The following CAMK1D variants were observed in gnomAD, a reference collection of about 807,000 sequenced individuals.
The protein encoded by CAMK1D is calcium/calmodulin-dependent protein kinase type 1D.
Under a neutral mutation model 47.7 loss-of-function variants are expected in CAMK1D, and 9 were observed. The ratio of observed to expected loss-of-function variants is 0.19; its 90% confidence interval spans 0.11 to 0.33. CAMK1D has a LOEUF of 0.33. CAMK1D is among the 10% of genes least tolerant of loss of function. The probability of loss-of-function intolerance (pLI) is 1.00; values close to 1 mark genes in which losing one functional copy is unlikely to be tolerated. For missense variants in CAMK1D, 291 were observed against 488.7 expected, an observed-to-expected ratio of 0.60 and a Z score of 3.81; for synonymous variants, 184 against 184.9, an observed-to-expected ratio of 0.99 and a Z score of 0.04.
chr10:12,709,574 T>C (rs1480883012), intron 3 of CAMK1D, among the ~76,000 whole-genome samples: 1 of 152,144 alleles, frequency 6.6e-6, no homozygotes, highest in East Asian at 1.9e-4. Context: ...AAGAAGCTTT[T>C]TCACAAGAAA....
chr10:12,772,315 T>C (rs1837078518), intron 5 of CAMK1D, among the ~76,000 whole-genome samples: 1 of 151,878 alleles, frequency 6.6e-6, no homozygotes. Context: ...CATTAGAAAA[T>C]GAAAAGGTCT....
chr10:12,765,905 G>A (rs530694008), intron 4 of CAMK1D, among the ~76,000 whole-genome samples: 1 of 151,748 alleles, frequency 6.6e-6, no homozygotes, highest in African/African-American at 2.4e-5. Context: ...ACTAGTTAGG[G>A]CTAGGTGTGC....
At chr10:12,477,151 C>T (rs1018491985) in intron 1 of CAMK1D, among the ~76,000 whole-genome samples, 10 of 152,112 alleles carry the variant, frequency 6.6e-5, no homozygotes, top group African/African-American at 2.2e-4. Flanking sequence ...TGCGGTGGCT[C>T]ACACCTGTAA....
intron 1 of CAMK1D, among the ~76,000 whole-genome samples, chr10:12,427,700 G>GTTTTTTTTTTTTTTTGT (rs1840286957): frequency 3.2e-5 from 1 of 31,030 alleles, no homozygotes; most frequent in Non-Finnish European, 6.2e-5. Context: ...TGAACTTACT[G>GTTTTTTTTTTTTTTTGT]TTTTTTTTTT....
chr10:12,504,239 C>CACACAG (rs1834800265), intron 1 of CAMK1D, among the ~76,000 whole-genome samples: 1 of 151,860 alleles, frequency 6.6e-6, no homozygotes, highest in Non-Finnish European at 1.5e-5. Context: ...CACACACACA[C>CACACAG]ACACACACAC....
chr10:12,568,849 G>A (rs1354387387), intron 2 of CAMK1D, among the ~76,000 whole-genome samples: 1 of 152,120 alleles, frequency 6.6e-6, no homozygotes, highest in Non-Finnish European at 1.5e-5. Flanking sequence ...TTTGCCTCCC[G>A]GAGGGAATTC....
chr10:12,565,686 A>G (rs1837101126), intron 2 of CAMK1D, among the ~76,000 whole-genome samples: 1 of 152,232 alleles, frequency 6.6e-6, no homozygotes, highest in Non-Finnish European at 1.5e-5. Context: ...AATCGTCACC[A>G]TAAACCTGTA....
intron 3 of CAMK1D, among the ~76,000 whole-genome samples, chr10:12,734,125 C>T (rs755939036): frequency 8.6e-5 from 13 of 150,836 alleles, no homozygotes; most frequent in Admixed American, 2.0e-4. Flanking sequence ...GTCAGGAGTT[C>T]GAGACCACCC....
At chr10:12,822,638 C>G (rs1833055994) in intron 8 of CAMK1D, among the ~76,000 whole-genome samples, 1 of 152,196 alleles carries the variant, frequency 6.6e-6, no homozygotes, top group Admixed American at 6.5e-5. Context: ...TTCCAGACTC[C>G]CCACCACTTT....
intron 3 of CAMK1D, among the ~76,000 whole-genome samples, chr10:12,712,410 G>A (rs1833971795): frequency 6.6e-6 from 1 of 152,206 alleles, no homozygotes; most frequent in Non-Finnish European, 1.5e-5. Context: ...TGTCTTAGCT[G>A]GAATTGCTAC....
At chr10:12,426,925 G>A (rs989587504) in intron 1 of CAMK1D, among the ~76,000 whole-genome samples, 1 of 151,962 alleles carries the variant, frequency 6.6e-6, no homozygotes, top group Non-Finnish European at 1.5e-5. Flanking sequence ...ATGTTGGCCA[G>A]GTTGGTCTTG....
intron 3 of CAMK1D, among the ~76,000 whole-genome samples, chr10:12,686,391 G>A (rs1832667392): frequency 2.0e-5 from 3 of 151,876 alleles, no homozygotes; most frequent in South Asian, 2.1e-4. Flanking sequence ...GTGCGATCTC[G>A]GCTCACTGCA....
intron 8 of CAMK1D, among the ~76,000 whole-genome samples, chr10:12,816,872 C>CA (rs71386122): frequency 0.055 from 3,130 of 56,442 alleles, 128 homozygotes; most frequent in African/African-American, 0.11. Context: ...AACTCTGTCT[C>CA]AAAAAAAAAA....
Position 12,822,760 on chromosome 10 carries a change from C to T in CAMK1D, c.834-1705C>T, listed in dbSNP as rs114739163. On this transcript the variant is annotated intron_variant, in intron 8 of 10. Coordinates refer to ENST00000619168, the MANE Select transcript of CAMK1D (RefSeq NM_153498.4). ...GGAGGAATCACTCCCTTGGGCTCTC[C>T]GGGGAAAAAAGCTTAATAAAGATGT... 3.0e-3 allele frequency among the ~76,000 whole-genome samples: 455 copies of T among 152,256 alleles called. 3 individuals carry two copies. Among genetic ancestry groups the T allele is most frequent in the African/African-American group, 0.01 (427 of 41,546 alleles).
At chr10:12,463,124 C>T (rs1030625493) in intron 1 of CAMK1D, among the ~76,000 whole-genome samples, 3 of 149,776 alleles carry the variant, frequency 2.0e-5, no homozygotes, top group African/African-American at 7.4e-5. Flanking sequence ...AAAATAAGCT[C>T]TAAGAGTTTT....
intron 1 of CAMK1D, among the ~76,000 whole-genome samples, chr10:12,439,938 A>AGGGGTTT (rs1236844804): frequency 3.9e-5 from 6 of 152,254 alleles, no homozygotes; most frequent in African/African-American, 1.4e-4. Context: ...GAAAACAGAA[A>AGGGGTTT]CCCCTTATCA....
At chr10:12,820,794 C>G (rs1832987621) in intron 8 of CAMK1D, among the ~76,000 whole-genome samples, 2 of 152,354 alleles carry the variant, frequency 1.3e-5, no homozygotes, top group South Asian at 4.1e-4. Flanking sequence ...CCGCCCCTTT[C>G]ACTGAGCATT....
intron 1 of CAMK1D, among the ~76,000 whole-genome samples, chr10:12,505,050 T>C (rs1834828622): frequency 6.6e-6 from 1 of 152,190 alleles, no homozygotes; most frequent in Non-Finnish European, 1.5e-5. Flanking sequence ...TCAGGTACCA[T>C]CATCATTTTG....
At chr10:12,583,276 A>G (rs1837716027) in intron 2 of CAMK1D, among the ~76,000 whole-genome samples, 1 of 152,116 alleles carries the variant, frequency 6.6e-6, no homozygotes, top group African/African-American at 2.4e-5. Context: ...TTCTGCTGGG[A>G]TGGTTCCAAT....
Sources: allele counts gnomAD v4.1 joint callset (sites outside exome capture counted in the v4.1 genomes callset), GRCh38; gene constraint gnomAD v4.1.1; transcripts MANE v1.5; gene names NCBI Gene and HGNC (gene_info 2026-07-23, HGNC 2026-07-21).